TENM1: variants seen among roughly 807,000 people sequenced by gnomAD.
The protein encoded by TENM1 is teneurin transmembrane protein 1, also known as teneurin-1.
Under a neutral mutation model 174.8 loss-of-function variants are expected in TENM1, and 35 were observed. The observed-to-expected ratio is 0.20, with a 90% CI of 0.15 to 0.27. The LOEUF is 0.27. Ranked by LOEUF, TENM1 falls within the 10% of genes least tolerant of loss-of-function variation. The probability of loss-of-function intolerance (pLI) is 1.00; values close to 1 mark genes in which losing one functional copy is unlikely to be tolerated. For synonymous variants in TENM1, 781 were observed against 798.7 expected (o/e 0.98, Z 0.37); for missense variants, 1,633 against 2,130.1 (o/e 0.77, Z 4.59).
intron 3 of TENM1, among the ~76,000 whole-genome samples, chrX:124,745,960 G>A (rs768903578): frequency 1.3e-4 from 14 of 111,289 alleles, no homozygotes; most frequent in Non-Finnish European, 2.3e-4. Flanking sequence ...CTCCTAAGAA[G>A]TATGAGCAGG....
At chrX:124,673,414 C>T (rs976808990) in intron 5 of TENM1, among the ~76,000 whole-genome samples, 1 of 111,606 alleles carries the variant, frequency 9.0e-6, no homozygotes, top group South Asian at 3.7e-4. Context: ...CAGAATTTTT[C>T]GGATGATTAA....
At chrX:124,859,922 G>A (rs2147433773) in intron 3 of TENM1, among the ~76,000 whole-genome samples, 1 of 112,247 alleles carries the variant, frequency 8.9e-6, no homozygotes, top group East Asian at 2.8e-4. Flanking sequence ...TGGAATAAGA[G>A]TTGTTTGATG....
At chrX:124,757,835 T>C (rs1426261595) in intron 3 of TENM1, among the ~76,000 whole-genome samples, 1 of 112,441 alleles carries the variant, frequency 8.9e-6, no homozygotes, top group Admixed American at 9.4e-5. Flanking sequence ...TTCTTCATAA[T>C]GTAACATACT....
chrX:124,509,595 G>A (rs1173887549), intron 18 of TENM1, among the ~76,000 whole-genome samples: 1 of 110,931 alleles, frequency 9.0e-6, no homozygotes, highest in Non-Finnish European at 1.9e-5. Context: ...TCGCCAAGCT[G>A]CTCTACGTGC....
chrX:124,386,058 T>A, exon 29 of TENM1: 1 of 1,189,130 alleles, frequency 8.4e-7, no homozygotes, highest in Non-Finnish European at 1.1e-6. Flanking sequence ...AGGAGAAGCA[T>A]CACAGACTGA....
chrX:124,853,458 AAC>A (rs1194620330), intron 3 of TENM1, among the ~76,000 whole-genome samples: 1 of 111,286 alleles, frequency 9.0e-6, no homozygotes, highest in Non-Finnish European at 1.9e-5. Flanking sequence ...TGGGATCAAA[AAC>A]ACAGAATGAG....
At chrX:125,079,205 C>A in the TENM1 span, among the ~76,000 whole-genome samples, 1 of 111,427 alleles carries the variant, frequency 9.0e-6, no homozygotes, top group Admixed American at 9.5e-5. Context: ...ATAAATGCAT[C>A]TAAAATCACC....
At chrX:124,497,096 A>G in exon 20 of TENM1, 1 of 1,210,447 alleles carries the variant, frequency 8.3e-7, no homozygotes, top group Non-Finnish European at 1.1e-6. Context: ...ACACACTGCC[A>G]TCAGGGCCAG....
At chrX:124,599,298 G>T (rs1288167936) in intron 11 of TENM1, among the ~76,000 whole-genome samples, 1 of 111,367 alleles carries the variant, frequency 9.0e-6, no homozygotes, top group African/African-American at 3.3e-5. Context: ...ATCAATATAG[G>T]GACTGCTGAA....
At chrX:124,428,418 G>C (rs1041054853) in intron 23 of TENM1, among the ~76,000 whole-genome samples, 6 of 111,969 alleles carry the variant, frequency 5.4e-5, no homozygotes, top group Admixed American at 9.5e-5. Flanking sequence ...CCCTTGGTTA[G>C]ACTAAACTGG....
chrX:125,156,061 T>C, the TENM1 span, among the ~76,000 whole-genome samples: 1 of 112,127 alleles, frequency 8.9e-6, no homozygotes, highest in Non-Finnish European at 1.9e-5. Context: ...AAGTAGGAAA[T>C]TAGTAGTTTT....
At chrX:125,048,243 A>ATTTTTTTTTT in the TENM1 span, among the ~76,000 whole-genome samples, 1 of 64,222 alleles carries the variant, frequency 1.6e-5, no homozygotes, top group Non-Finnish European at 2.8e-5. Flanking sequence ...GTTTCGAAGC[A>ATTTTTTTTTT]TTTTTTTTTT....
chrX:124,694,728 C>T lies in TENM1; in HGVS notation c.1015+10285G>A, dbSNP rs16999367. ...TAATTTTACTGCATGCTGTTCTTTA[C>T]GTTCAGTTCCATGCATCTATGAGAG... On this transcript the variant is annotated intron_variant, in intron 5 of 31. Transcript: ENST00000422452. 9.9e-3 allele frequency among the ~76,000 whole-genome samples: 1,106 copies of T among 111,910 alleles called. 12 individuals are homozygous for T. The highest frequency in any genetic ancestry group is 0.034 in the African/African-American group (1,056 of 30,803).
chrX:124,846,192 TTTGA>T (rs1205818539), intron 3 of TENM1, among the ~76,000 whole-genome samples: 1 of 110,632 alleles, frequency 9.0e-6, no homozygotes, highest in African/African-American at 3.3e-5. Flanking sequence ...CCTGCTTTTC[TTTGA>T]TTGGGAAGAA....
intron 31 of TENM1, 80 bp from the exon 35 acceptor site, chrX:124,381,374 C>T (rs780386423): frequency 2.4e-4 from 230 of 976,283 alleles, no homozygotes; most frequent in Non-Finnish European, 3.0e-4. Flanking sequence ...AAAGGACAGG[C>T]TTGCAAGTTT....
chrX:124,773,252 A>AT (rs1034525485), intron 3 of TENM1, among the ~76,000 whole-genome samples: 5 of 110,045 alleles, frequency 4.5e-5, no homozygotes, highest in Admixed American at 2.0e-4. Context: ...ATGTATCAAG[A>AT]TTTTTTTTTC....
the TENM1 span, among the ~76,000 whole-genome samples, chrX:125,176,306 G>A: frequency 8.9e-6 from 1 of 111,927 alleles, no homozygotes; most frequent in Non-Finnish European, 1.9e-5. Context: ...AGATAGCCCT[G>A]TCAGTAAGCT....
chrX:124,899,384 G>T (rs1379969777), intron 1 of TENM1, among the ~76,000 whole-genome samples: 1 of 110,540 alleles, frequency 9.0e-6, no homozygotes, highest in Non-Finnish European at 1.9e-5. Flanking sequence ...ATAGAGATAG[G>T]GTTTCTTCAT....
chrX:125,010,441 G>A, the TENM1 span, among the ~76,000 whole-genome samples: 2 of 109,720 alleles, frequency 1.8e-5, no homozygotes, highest in Admixed American at 1.9e-4. Context: ...TCTTGAAAAT[G>A]GCCATACTGC....
Sources: allele counts gnomAD v4.1 joint callset (sites outside exome capture counted in the v4.1 genomes callset), GRCh38; gene constraint gnomAD v4.1.1; transcripts MANE v1.5; gene names NCBI Gene and HGNC (gene_info 2026-07-23, HGNC 2026-07-21).